PLEKHA2: variants seen among roughly 807,000 people sequenced by gnomAD.
PLEKHA2 encodes the protein pleckstrin homology domain-containing family A member 2.
A neutral mutation model predicts 53.2 loss-of-function variants in PLEKHA2; 28 were observed. The observed-to-expected ratio is 0.53, with a 90% CI of 0.39 to 0.72. PLEKHA2 has a LOEUF of 0.72. PLEKHA2 is among the 30% of genes least tolerant of loss of function. The pLI is 0.00. For missense variants in PLEKHA2, 426 were observed against 537.9 expected, an observed-to-expected ratio of 0.79 and a Z score of 2.06; for synonymous variants, 193 against 196.4, an observed-to-expected ratio of 0.98 and a Z score of 0.14.
chr8:38,962,149 G>A (rs988106999), intron 10 of PLEKHA2, among the ~76,000 whole-genome samples: 2 of 152,192 alleles, frequency 1.3e-5, no homozygotes, highest in African/African-American at 4.8e-5. Flanking sequence ...CAACTGGGAA[G>A]CACCAGGTGC....
intron 2 of PLEKHA2, 80 bp from the exon 3 acceptor site, chr8:38,935,914 A>C: frequency 7.2e-7 from 1 of 1,392,562 alleles, no homozygotes. Flanking sequence ...AAGTGGCATA[A>C]ACAGAGCTAG....
chr8:38,969,815 AGG>A lies in PLEKHA2; in HGVS notation c.*34_*35del. ...ACAGTGCCATGGGAGGGAGGGAGGG[AGG>A]GAGGACTTGAGAGAAGGAGGCTGTG... is the stretch of plus-strand genomic sequence containing the variant. On this transcript the variant is annotated 3_prime_UTR_variant, in exon 12 of 12. Transcript: ENST00000617275. 4.2e-6 allele frequency: 2 copies of A among 479,724 alleles called. No homozygotes were observed. The highest frequency in any genetic ancestry group is 4.1e-6 in the Non-Finnish European group (1 of 243,922). 29.7% of individuals were successfully genotyped at this position (479,724 alleles called of 1,614,324 possible). A position where few individuals can be genotyped will look rare whatever the true frequency, so the allele number is the denominator to read the frequency against.
At chr8:38,933,317 A>G (rs1363360980) in intron 2 of PLEKHA2, among the ~76,000 whole-genome samples, 1 of 152,142 alleles carries the variant, frequency 6.6e-6, no homozygotes, top group African/African-American at 2.4e-5. Context: ...ACCCTATGAA[A>G]CAGGGTTTAG....
chr8:38,959,627 T>C (rs1201364119), intron 10 of PLEKHA2, among the ~76,000 whole-genome samples: 1 of 152,080 alleles, frequency 6.6e-6, no homozygotes, highest in East Asian at 1.9e-4. Flanking sequence ...AAGGCTAAGA[T>C]AGGATGAGAG....
intron 1 of PLEKHA2, among the ~76,000 whole-genome samples, chr8:38,902,328 C>G (rs1833802973): frequency 6.6e-6 from 1 of 152,164 alleles, no homozygotes; most frequent in African/African-American, 2.4e-5. Flanking sequence ...CATCTCCTCC[C>G]CGGGGCCAGC....
intron 2 of PLEKHA2, among the ~76,000 whole-genome samples, chr8:38,934,848 C>T (rs66763267): frequency 0.31 from 46,833 of 150,622 alleles, 7,500 homozygotes; most frequent in Non-Finnish European, 0.34. Flanking sequence ...TTCTATATTG[C>T]GTGAGTTTGT....
chr8:38,965,407 C>T (rs1835118125), intron 10 of PLEKHA2, among the ~76,000 whole-genome samples: 1 of 151,956 alleles, frequency 6.6e-6, no homozygotes, highest in South Asian at 2.1e-4. Context: ...AGCTTAACAC[C>T]CCTGGAAACT....
chr8:38,917,171 T>A (rs1478749578), intron 1 of PLEKHA2, among the ~76,000 whole-genome samples: 1 of 152,228 alleles, frequency 6.6e-6, no homozygotes. Context: ...ATATTCTGGT[T>A]ATTAGTCCCT....
intron 3 of PLEKHA2, among the ~76,000 whole-genome samples, chr8:38,937,372 C>G (rs1834515781): frequency 6.6e-6 from 1 of 152,166 alleles, no homozygotes; most frequent in African/African-American, 2.4e-5. Flanking sequence ...CCTCATCTTG[C>G]TGAGAGCTCC....
At chr8:38,963,683 A>G (rs1350471545) in intron 10 of PLEKHA2, among the ~76,000 whole-genome samples, 1 of 152,202 alleles carries the variant, frequency 6.6e-6, no homozygotes, top group Non-Finnish European at 1.5e-5. Flanking sequence ...CTGCTCCAAA[A>G]AAAATTTAAA....
chr8:38,935,521 C>T (rs1834477934), intron 2 of PLEKHA2, among the ~76,000 whole-genome samples: 1 of 151,644 alleles, frequency 6.6e-6, no homozygotes, highest in Non-Finnish European at 1.5e-5. Context: ...TGGGCTCCAG[C>T]AGTCCTGCCA....
chr8:38,947,161 AG>A (rs1834730766), intron 5 of PLEKHA2, among the ~76,000 whole-genome samples: 1 of 49,918 alleles, frequency 2.0e-5, no homozygotes, highest in African/African-American at 7.9e-5. Context: ...ACCCGTGAAA[AG>A]AGAGAGTGAT....
At chr8:38,942,948 G>GT (rs1834638364) in intron 3 of PLEKHA2, among the ~76,000 whole-genome samples, 1 of 152,148 alleles carries the variant, frequency 6.6e-6, no homozygotes, top group South Asian at 2.1e-4. Flanking sequence ...TATTTTCATG[G>GT]TTAGGCCATC....
At chr8:38,950,818 T>TC in intron 5 of PLEKHA2, 32 bp from the exon 6 acceptor site, 1 of 1,603,924 alleles carries the variant, frequency 6.2e-7, no homozygotes, top group Non-Finnish European at 8.5e-7. Flanking sequence ...AATGTTCTGT[T>TC]CCCCATTGAT....
At chr8:38,930,613 G>A (rs1564122540) in intron 2 of PLEKHA2, among the ~76,000 whole-genome samples, 5 of 152,084 alleles carry the variant, frequency 3.3e-5, no homozygotes, top group South Asian at 2.1e-4. Context: ...ACTTCCTCTC[G>A]TGGGATCGCT....
At chr8:38,948,633 T>C (rs941460383) in intron 5 of PLEKHA2, among the ~76,000 whole-genome samples, 1 of 152,108 alleles carries the variant, frequency 6.6e-6, no homozygotes, top group Non-Finnish European at 1.5e-5. Flanking sequence ...ATCAGGGTGC[T>C]CTTATTGTTT....
intron 3 of PLEKHA2, among the ~76,000 whole-genome samples, chr8:38,941,489 A>G (rs959199963): frequency 1.3e-5 from 2 of 152,256 alleles, no homozygotes; most frequent in Admixed American, 1.3e-4. Context: ...TAGGCATTCA[A>G]TTAAATGTTT....
chr8:38,907,396 A>T (rs964868104), intron 1 of PLEKHA2, among the ~76,000 whole-genome samples: 9 of 152,162 alleles, frequency 5.9e-5, no homozygotes, highest in Non-Finnish European at 1.3e-4. Context: ...CTCTGTCTCC[A>T]AATTATGTTA....
Position 38,957,315 on chromosome 8 carries a change from C to T in PLEKHA2, c.774-8C>T. 6.2e-7 allele frequency: 1 copy of T among 1,608,574 alleles called. No individual in the cohort carries two copies. Among genetic ancestry groups the T allele is most frequent in the Admixed American group, 1.7e-5 (1 of 59,982 alleles). ...ACGCCATAACATTCTTTCTCTTTCT[C>T]TGTCTAGTGATCTCTTAATGAGGGA... On this transcript the variant is annotated splice_polypyrimidine_tract_variant and splice_region_variant and intron_variant, in intron 9 of 11. Coordinates refer to ENST00000617275, the MANE Select transcript of PLEKHA2 (RefSeq NM_021623.2).
Sources: gnomAD v4.1 joint callset for allele counts (sites outside exome capture counted in the v4.1 genomes callset) on GRCh38, gnomAD v4.1.1 for gene constraint, MANE v1.5 for transcripts, NCBI Gene and HGNC (gene_info 2026-07-23, HGNC 2026-07-21) for gene names.